TRIM58: variants seen among roughly 807,000 people sequenced by gnomAD.
The protein encoded by TRIM58 is tripartite motif containing 58.
In TRIM58, 38 loss-of-function variants were observed where a neutral mutation model predicts 34.1. The observed-to-expected ratio is 1.12, with a 90% CI of 0.86 to 1.46. The LOEUF is 1.46. Ranked by LOEUF, TRIM58 falls within the 40% of genes most tolerant of loss-of-function variation. The probability of loss-of-function intolerance (pLI) is 0.00; values close to 1 mark genes in which losing one functional copy is unlikely to be tolerated. For synonymous variants in TRIM58, 273 were observed against 275.7 expected, an observed-to-expected ratio of 0.99 and a Z score of 0.10; for missense variants, 677 against 642.0, an observed-to-expected ratio of 1.05 and a Z score of -0.59.
At position 247,879,906 on chromosome 1, in the gene TRIM58, G is replaced by A. The variant is rs1276977148; in HGVS notation, c.*3417G>A. On this transcript the variant is annotated 3_prime_UTR_variant, in exon 6 of 6. Coordinates refer to ENST00000366481, the MANE Select transcript of TRIM58 (RefSeq NM_015431.4). ...GTCGCCCTTGCCAGGCTCAGTGGAGGCTCTTTGTTCCCCATACAGTACGTG... is the reference window on the plus strand; with the variant it reads ...GTCGCCCTTGCCAGGCTCAGTGGAGACTCTTTGTTCCCCATACAGTACGTG... 6.6e-6 allele frequency among the ~76,000 whole-genome samples: 1 copy of A among 151,800 alleles called. No homozygotes were observed. The highest frequency in any genetic ancestry group is 2.4e-5 in the African/African-American group (1 of 41,288).
rs1659363173 is a variant in TRIM58 at position 247,879,556 on chromosome 1, G to T, written c.*3067G>T. ...TAGAGTGAAAGTCAGAATCCTCACA[G>T]TGAATCCCCAGGCCCTAGAGGATGT... On this transcript the variant is annotated 3_prime_UTR_variant, in exon 6 of 6. Transcript: ENST00000366481. Among the ~76,000 whole-genome samples the T allele has an allele frequency of 6.6e-6, 1 of 151,916 alleles. No homozygotes were observed. The highest frequency in any genetic ancestry group is 1.5e-5 in the Non-Finnish European group (1 of 67,988).
intron 2 of TRIM58, among the ~76,000 whole-genome samples, chr1:247,861,510 T>C (rs1056590485): frequency 1.3e-5 from 2 of 152,178 alleles, no homozygotes; most frequent in Non-Finnish European, 2.9e-5. Context: ...AGTGTCAAGA[T>C]TGAGAAACTA....
chr1:247,868,096 G>A lies in TRIM58; in HGVS notation c.871+33G>A, dbSNP rs756216433. 6 of 1,554,676 alleles carry A rather than the reference G, an allele frequency of 3.9e-6. No individual in the cohort carries two copies. In the South Asian group the frequency reaches 7.0e-5, roughly 18 times the overall value. Reference sequence around the variant, plus strand: ...CATCTTAGAGACTGGGAATTAGGCTGCCTGGGGTTTGAAGAAGTTCCAAGG... The same window carrying A: ...CATCTTAGAGACTGGGAATTAGGCTACCTGGGGTTTGAAGAAGTTCCAAGG... On this transcript the variant is annotated intron_variant, in intron 5 of 5. Transcript: ENST00000366481.
chr1:247,868,155 C>T lies in TRIM58; in HGVS notation c.871+92C>T. ...TCTTAGAGACTGGGAATGAGGCTGC[C>T]TGGGGTTTGCCTCGTATTGTGGTTT... is the stretch of plus-strand genomic sequence containing the variant. On this transcript the variant is annotated intron_variant, in intron 5 of 5. Coordinates refer to ENST00000366481, the MANE Select transcript of TRIM58 (RefSeq NM_015431.4). 2.7e-6 allele frequency: 3 copies of T among 1,109,004 alleles called. No individual in the cohort carries two copies. In the South Asian group the frequency reaches 4.4e-5, roughly 16 times the overall value. 68.7% of individuals were successfully genotyped at this position (1,109,004 alleles called of 1,614,324 possible). A position where few individuals can be genotyped will look rare whatever the true frequency, so the allele number is the denominator to read the frequency against.
At chr1:247,863,691 G>A (rs992720771) in intron 2 of TRIM58, among the ~76,000 whole-genome samples, 2 of 152,134 alleles carry the variant, frequency 1.3e-5, no homozygotes, top group African/African-American at 4.8e-5. Context: ...GATACTTTGA[G>A]GGAATAATTT....
chr1:247,858,615 T>C (rs1433976593), intron 1 of TRIM58, among the ~76,000 whole-genome samples: 1 of 152,146 alleles, frequency 6.6e-6, no homozygotes, highest in African/African-American at 2.4e-5. Flanking sequence ...TCTCTACCAA[T>C]ATCTCTCTTG....
intron 3 of TRIM58, among the ~76,000 whole-genome samples, chr1:247,865,588 T>C (rs1663900015): frequency 6.6e-6 from 1 of 152,232 alleles, no homozygotes. Flanking sequence ...GTTCCAGGCA[T>C]GGCGAGGAGG....
In TRIM58 at chr1:247,867,951, T is replaced by C. The variant is rs1663968213; in HGVS notation, c.771-12T>C. 2 of 1,613,204 alleles carry C rather than the reference T, an allele frequency of 1.2e-6. No individual in the cohort carries two copies. Among genetic ancestry groups the C allele is most frequent in the South Asian group, 1.1e-5 (1 of 90,918 alleles). ...ACCCTGCTGACTTCTGTGGTTTCTG[T>C]GCTCTTCCCAGAAGTAAGGCTGTCA... On this transcript the variant is annotated splice_polypyrimidine_tract_variant and intron_variant, in intron 4 of 5. Transcript: ENST00000366481.
At chr1:247,864,638 C>A in intron 2 of TRIM58, 67 bp from the exon 3 acceptor site, 1 of 1,530,874 alleles carries the variant, frequency 6.5e-7, no homozygotes, top group Non-Finnish European at 8.9e-7. Flanking sequence ...TTACCTTCTC[C>A]AGCACTGTCC....
At chr1:247,871,727 C>A (rs957168096) in intron 5 of TRIM58, among the ~76,000 whole-genome samples, 2 of 152,148 alleles carry the variant, frequency 1.3e-5, no homozygotes, top group Non-Finnish European at 2.9e-5. Context: ...TTTTATCTCA[C>A]CCATTCTTTT....
Position 247,878,837 on chromosome 1 carries a change from TGTG to T in TRIM58, c.*2351_*2353del, listed in dbSNP as rs1369948168. ...AATCCTGTCTCACTGTGCATATTAT[TGTG>T]GTTTATATCAGTCAGTAAACCAATG... is the stretch of plus-strand genomic sequence containing the variant. On this transcript the variant is annotated 3_prime_UTR_variant, in exon 6 of 6. Coordinates refer to ENST00000366481, the MANE Select transcript of TRIM58 (RefSeq NM_015431.4). 2.6e-5 allele frequency among the ~76,000 whole-genome samples: 4 copies of T among 152,208 alleles called. No individual in the cohort carries two copies. Among genetic ancestry groups the T allele is most frequent in the Admixed American group, 2.0e-4 (3 of 15,276 alleles).
chr1:247,874,356 C>T (rs934108753), intron 5 of TRIM58, among the ~76,000 whole-genome samples: 4 of 152,074 alleles, frequency 2.6e-5, no homozygotes, highest in African/African-American at 4.8e-5. Context: ...CTTGCATGAA[C>T]GGATAAAGAA....
chr1:247,865,156 A>G (rs1486760042), intron 3 of TRIM58, among the ~76,000 whole-genome samples: 4 of 152,180 alleles, frequency 2.6e-5, no homozygotes, highest in African/African-American at 9.6e-5. Flanking sequence ...TGAGTCTGGC[A>G]TGGTGGCACA....
chr1:247,860,512 G>C, intron 1 of TRIM58, 105 bp from the exon 2 acceptor site: 1 of 716,258 alleles, frequency 1.4e-6, no homozygotes, highest in East Asian at 2.7e-5. Context: ...ATTTTTATGT[G>C]CTTTCTAGGG....
chr1:247,872,715 C>T (rs1305846017), intron 5 of TRIM58, among the ~76,000 whole-genome samples: 2 of 151,986 alleles, frequency 1.3e-5, no homozygotes, highest in Non-Finnish European at 2.9e-5. Flanking sequence ...CAGCCAGCAC[C>T]CGGGTAGATA....
rs1659364861 is a variant in TRIM58 at position 247,879,630 on chromosome 1, T to G, written c.*3141T>G. Among the ~76,000 whole-genome samples the G allele has an allele frequency of 6.6e-6, 1 of 151,280 alleles. No individual in the cohort carries two copies. The highest frequency in any genetic ancestry group is 6.6e-5 in the Admixed American group (1 of 15,168). On this transcript the variant is annotated 3_prime_UTR_variant, in exon 6 of 6. Transcript: ENST00000366481. ...TGAACCCCCATCCCTCCTCTGATTA[T>G]CTCTCCCACCCCCACTTCCCTTTGC... is the stretch of plus-strand genomic sequence containing the variant.
In TRIM58 at chr1:247,860,650, A is replaced by G. The variant is rs1663766934; in HGVS notation, c.454A>G (p.Lys152Glu). ...CCAGATGGCTCTGGAACTTATGAGG[A>G]AAGAGTTGGAGGACGCCTTGACTCA... is the stretch of plus-strand genomic sequence containing the variant. ...KLQMALELMRKELEDALTQEA... is the reference protein window; with the variant it reads ...KLQMALELMREELEDALTQEA... Residue 152 changes from lysine to glutamate, a missense_variant, in exon 2 of 6, where the codon AAA becomes GAA. Lys to Glu is a moderately conservative substitution (Grantham distance 56). Coordinates refer to ENST00000366481, the MANE Select transcript of TRIM58 (RefSeq NM_015431.4). 6.2e-7 allele frequency: 1 copy of G among 1,613,668 alleles called. No homozygotes were observed. The highest frequency in any genetic ancestry group is 1.7e-5 in the Admixed American group (1 of 59,968).
At chr1:247,859,840 G>A (rs1237944282) in intron 1 of TRIM58, among the ~76,000 whole-genome samples, 1 of 151,840 alleles carries the variant, frequency 6.6e-6, no homozygotes. Context: ...ATGAAATATA[G>A]AGATATAATA....
chr1:247,857,370 G>A lies in TRIM58; in HGVS notation c.124G>A (p.Glu42Lys). The change falls in exon 1 of 6, where the codon GAG becomes AAG. Residue 42 changes from glutamate to lysine, a missense_variant. By Grantham distance (56) the Glu-to-Lys change is moderately conservative (BLOSUM62 1). Coordinates refer to ENST00000366481, the MANE Select transcript of TRIM58 (RefSeq NM_015431.4). ...CAGCTTCTGCCTCAGGTGCATCTCC[G>A]AGTTCTGCGAGAAGTCGGACGGCGC... Reference protein sequence around the residue: ...GHSFCLRCISEFCEKSDGAQG... With the variant: ...GHSFCLRCISKFCEKSDGAQG... 1 of 1,525,808 alleles carries A rather than the reference G, an allele frequency of 6.6e-7. No individual in the cohort carries two copies. The highest frequency in any genetic ancestry group is 1.2e-5 in the South Asian group (1 of 80,316). The allele number at this position is 1,525,808 out of a possible 1,614,324, so 94.5% of individuals were successfully genotyped here. A position where few individuals can be genotyped will look rare whatever the true frequency, so the allele number is the denominator to read the frequency against.
Sources: allele counts gnomAD v4.1 joint callset (sites outside exome capture counted in the v4.1 genomes callset), GRCh38; gene constraint gnomAD v4.1.1; transcripts MANE v1.5; gene names NCBI Gene and HGNC (gene_info 2026-07-23, HGNC 2026-07-21).